CNTLN: variants seen among roughly 807,000 people sequenced by gnomAD.
CNTLN encodes the protein centlein, also known as centlein, centrosomal protein.
In CNTLN, 212 loss-of-function variants were observed where a neutral mutation model predicts 180.0. The observed-to-expected ratio is 1.18, with a 90% CI of 1.05 to 1.32. The LOEUF (loss-of-function observed/expected upper bound fraction) is 1.32. Ranked by LOEUF, CNTLN falls within the 40% of genes most tolerant of loss-of-function variation. CNTLN has a pLI of 0.00. For missense variants in CNTLN, 2,095 were observed against 1,610.9 expected (o/e 1.30, Z -5.14); for synonymous variants, 722 against 563.1 (o/e 1.28, Z -3.99).
chr9:17,255,623 G>A (rs1826431546), intron 5 of CNTLN, among the ~76,000 whole-genome samples: 1 of 151,786 alleles, frequency 6.6e-6, no homozygotes, highest in African/African-American at 2.4e-5. Flanking sequence ...TTGGTCTCTA[G>A]TTTTCTTCTA....
In CNTLN at chr9:17,290,176, G is replaced by A. The variant is rs540265133; in HGVS notation, c.984-8014G>A. 4.4e-4 allele frequency among the ~76,000 whole-genome samples: 67 copies of A among 152,156 alleles called. No individual in the cohort carries two copies. In the East Asian group the frequency reaches 8.9e-3, roughly 20 times the overall value. ...TGGTCTTTGATGATGGTGATGTACA[G>A]ATGGGTTTTTGGTGTGGATGTCCTT... On this transcript the variant is annotated intron_variant, in intron 6 of 25. Coordinates refer to ENST00000380647, the MANE Select transcript of CNTLN (RefSeq NM_017738.4).
chr9:17,260,761 G>A (rs776211552), intron 5 of CNTLN, among the ~76,000 whole-genome samples: 3 of 151,410 alleles, frequency 2.0e-5, no homozygotes, highest in Middle Eastern at 6.8e-3. Flanking sequence ...ATCTTTGCCA[G>A]TTCCTGTGTC....
At chr9:17,316,746 A>T (rs1172726471) in intron 8 of CNTLN, among the ~76,000 whole-genome samples, 1 of 151,764 alleles carries the variant, frequency 6.6e-6, no homozygotes, top group South Asian at 2.1e-4. Flanking sequence ...TTTTTTTGTA[A>T]TATTTTCTAG....
At chr9:17,491,284 A>G (rs1036751857) in intron 25 of CNTLN, among the ~76,000 whole-genome samples, 3 of 152,108 alleles carry the variant, frequency 2.0e-5, no homozygotes, top group Non-Finnish European at 4.4e-5. Context: ...GGTTTGGAGA[A>G]TATGGCAGTG....
chr9:17,235,527 T>G lies in CNTLN; in HGVS notation c.535-131T>G, dbSNP rs1444312538. 3.5e-5 allele frequency: 24 copies of G among 694,522 alleles called. 1 individual carries two copies. The Admixed American group carries it at 8.5e-4, about 25-fold the overall frequency. The allele number at this position is 694,522 out of a possible 1,614,324, so 43.0% of individuals were successfully genotyped here. Reference sequence around the variant, plus strand: ...TGGGCATGTTACAGGAGATGAGAATTGTGGTGACAGACATTATTATGAAAG... The same window carrying G: ...TGGGCATGTTACAGGAGATGAGAATGGTGGTGACAGACATTATTATGAAAG... On this transcript the variant is annotated intron_variant, in intron 3 of 25. Transcript: ENST00000380647.
intron 6 of CNTLN, among the ~76,000 whole-genome samples, chr9:17,274,201 G>A (rs924417165): frequency 1.3e-5 from 2 of 152,010 alleles, no homozygotes; most frequent in African/African-American, 2.4e-5. Context: ...AATAGTAACT[G>A]AGAAACAAAT....
chr9:17,524,285 G>A, the CNTLN span, among the ~76,000 whole-genome samples: 1 of 152,172 alleles, frequency 6.6e-6, no homozygotes. Flanking sequence ...ATTGGTAATA[G>A]AGACCCAGGA....
intron 2 of CNTLN, among the ~76,000 whole-genome samples, chr9:17,166,105 A>C (rs1338963922): frequency 6.6e-6 from 1 of 152,246 alleles, no homozygotes; most frequent in Admixed American, 6.5e-5. Flanking sequence ...AGTTCAGAGA[A>C]GACAGAGATA....
At chr9:17,276,699 C>T (rs183604893) in intron 6 of CNTLN, among the ~76,000 whole-genome samples, 1 of 152,110 alleles carries the variant, frequency 6.6e-6, no homozygotes, top group East Asian at 1.9e-4. Flanking sequence ...TCTACAGATG[C>T]TCAAGCCCTT....
chr9:17,359,725 C>CCA (rs1823160860), intron 12 of CNTLN, among the ~76,000 whole-genome samples: 2 of 21,336 alleles, frequency 9.4e-5, no homozygotes, highest in African/African-American at 1.2e-4. Flanking sequence ...ACTAAAAATA[C>CCA]AAAAAAAAAA....
chr9:17,440,803 T>C (rs1830064349), intron 18 of CNTLN, among the ~76,000 whole-genome samples: 1 of 152,168 alleles, frequency 6.6e-6, no homozygotes, highest in African/African-American at 2.4e-5. Context: ...GGATGAACCT[T>C]GAAAGCATAT....
At chr9:17,293,921 G>C (rs1475068092) in intron 6 of CNTLN, among the ~76,000 whole-genome samples, 1 of 152,126 alleles carries the variant, frequency 6.6e-6, no homozygotes, top group Non-Finnish European at 1.5e-5. Context: ...AAAAAGCGTG[G>C]TTTCCCAGGC....
intron 19 of CNTLN, among the ~76,000 whole-genome samples, chr9:17,459,471 G>C (rs1179398374): frequency 6.6e-6 from 1 of 151,732 alleles, no homozygotes; most frequent in African/African-American, 2.4e-5. Context: ...TTTTACTTTT[G>C]TCTTGTTTCA....
chr9:17,451,882 A>C (rs1830799981), intron 18 of CNTLN, among the ~76,000 whole-genome samples: 1 of 152,234 alleles, frequency 6.6e-6, no homozygotes, highest in South Asian at 2.1e-4. Context: ...GAAAGACTGA[A>C]CTGTGTCTTT....
rs142046692 is a variant in CNTLN, at chr9:17,465,544, CTA to C, written c.3532-424_3532-423del. Reference sequence around the variant, plus strand: ...CACATATTATAATCTTATAAATAAGCTATATATATATATAAAATATCCTATTG... The same window carrying C: ...CACATATTATAATCTTATAAATAAGCTATATATATATAAAATATCCTATTG... On this transcript the variant is annotated intron_variant, in intron 21 of 25. Transcript: ENST00000380647. Among the ~76,000 whole-genome samples the C allele has an allele frequency of 4.8e-4, 72 of 148,500 alleles. 1 individual carries two copies. The East Asian group carries it at 9.4e-3, about 19-fold the overall frequency.
chr9:17,238,280 T>A (rs1056372980), intron 5 of CNTLN, among the ~76,000 whole-genome samples: 1 of 152,192 alleles, frequency 6.6e-6, no homozygotes, highest in East Asian at 1.9e-4. Context: ...TCTCAAATGT[T>A]TAAAGGTTTT....
chr9:17,501,327 A>C (rs1036914894), intron 25 of CNTLN, among the ~76,000 whole-genome samples: 2 of 152,212 alleles, frequency 1.3e-5, no homozygotes, highest in Non-Finnish European at 2.9e-5. Flanking sequence ...CTTAAACTAG[A>C]ATGCTCTTTG....
chr9:17,262,817 T>C (rs1489037541), intron 5 of CNTLN, among the ~76,000 whole-genome samples: 1 of 151,362 alleles, frequency 6.6e-6, no homozygotes, highest in Non-Finnish European at 1.5e-5. Context: ...CTTTTGCCAG[T>C]ATGATCAGTA....
intron 5 of CNTLN, among the ~76,000 whole-genome samples, chr9:17,241,341 C>G (rs1025642642): frequency 1.3e-5 from 2 of 152,096 alleles, no homozygotes; most frequent in African/African-American, 4.8e-5. Context: ...TTTCTTGGCA[C>G]TTTTGTTAAC....
Sources: allele counts gnomAD v4.1 joint callset (sites outside exome capture counted in the v4.1 genomes callset), GRCh38; gene constraint gnomAD v4.1.1; transcripts MANE v1.5; gene names NCBI Gene and HGNC (gene_info 2026-07-23, HGNC 2026-07-21).